MARCHF9: variants seen among roughly 807,000 people sequenced by gnomAD.
MARCHF9 encodes E3 ubiquitin-protein ligase MARCHF9.
Under a neutral mutation model 35.2 loss-of-function variants are expected in MARCHF9, and 17 were observed. The ratio of observed to expected loss-of-function variants is 0.48; its 90% CI spans 0.33 to 0.72. The LOEUF is 0.72. Ranked by LOEUF, MARCHF9 falls within the 30% of genes least tolerant of loss-of-function variation. The pLI, the probability that MARCHF9 is intolerant of heterozygous loss-of-function variation, is 0.02. For synonymous variants in MARCHF9, 183 were observed against 207.4 expected, an observed-to-expected ratio of 0.88 and a Z score of 1.01; for missense variants, 386 against 478.2, an observed-to-expected ratio of 0.81 and a Z score of 1.80.
In MARCHF9 at chr12:57,758,349, C is replaced by T. The variant is rs1394614141; in HGVS notation, c.706+49C>T. The T allele has an allele frequency of 8.4e-6, 13 of 1,554,188 alleles. No individual in the cohort carries two copies. Among genetic ancestry groups the T allele is most frequent in the Non-Finnish European group, 1.1e-5 (13 of 1,142,776 alleles). ...ACCTGCTCTGTATCTTCCTCTTACACACCTAACTCCCCTGCCCATCCCCTC... is the reference window on the plus strand; with the variant it reads ...ACCTGCTCTGTATCTTCCTCTTACATACCTAACTCCCCTGCCCATCCCCTC... On this transcript the variant is annotated intron_variant, in intron 3 of 3. Transcript: ENST00000266643. The surrounding 1 kb of genome is among the most constrained non-coding windows in gnomAD (Gnocchi z 5.4).
chr12:57,757,146 A>C (rs1595114511), intron 2 of MARCHF9, 62 bp downstream of exon 2: 1 of 1,427,362 alleles, frequency 7.0e-7, no homozygotes, highest in Non-Finnish European at 9.2e-7. Context: ...GGACTCAGGG[A>C]CCCTCCAGGA....
chr12:57,755,937 G>A, intron 1 of MARCHF9, 52 bp downstream of exon 1: 1 of 1,330,622 alleles, frequency 7.5e-7, no homozygotes, highest in Non-Finnish European at 9.7e-7. Flanking sequence ...CGCACCTGGG[G>A]TGTCAGCGGA....
Position 57,758,348 on chromosome 12 carries a change from A to C in MARCHF9, c.706+48A>C. 6.4e-7 allele frequency: 1 copy of C among 1,560,458 alleles called. No homozygotes were observed. The highest frequency in any genetic ancestry group is 8.7e-7 in the Non-Finnish European group (1 of 1,146,044). ...TACCTGCTCTGTATCTTCCTCTTAC[A>C]CACCTAACTCCCCTGCCCATCCCCT... On this transcript the variant is annotated intron_variant, in intron 3 of 3. Transcript: ENST00000266643. The surrounding 1 kb of genome is among the most constrained non-coding windows in gnomAD (Gnocchi z 5.4).
chr12:57,756,013 T>A, intron 1 of MARCHF9, 128 bp downstream of exon 1: 1 of 609,702 alleles, frequency 1.6e-6, no homozygotes, highest in Non-Finnish European at 2.4e-6. Flanking sequence ...GGGAATGGGG[T>A]GAGGCCGAGG....
In MARCHF9 at chr12:57,755,175, C is replaced by G. The variant is rs1035143623; in HGVS notation, c.-354C>G. 6.4e-6 allele frequency: 1 copy of G among 156,414 alleles called. No individual in the cohort carries two copies. The highest frequency in any genetic ancestry group is 2.4e-5 in the African/African-American group (1 of 41,470). The allele number at this position is 156,414 out of a possible 1,614,324, so 9.7% of individuals were successfully genotyped here. On this transcript the variant is annotated 5_prime_UTR_variant, in exon 1 of 4. Coordinates refer to ENST00000266643, the MANE Select transcript of MARCHF9 (RefSeq NM_138396.6). ...CCCGGAGCCGGAGGGGGACTGGGAC[C>G]GAGAGAACGGCGATGGGGGGCGGCC...
At position 57,755,903 on chromosome 12, in the gene MARCHF9, G is replaced by C. The variant is rs1955283934; in HGVS notation, c.357+18G>C. ...CGGAGCAGGTCAGGCCTGGGCACCTGGCCGGGCGCGGAGGGTGGAGGCGCG... is the reference window on the plus strand; with the variant it reads ...CGGAGCAGGTCAGGCCTGGGCACCTCGCCGGGCGCGGAGGGTGGAGGCGCG... On this transcript the variant is annotated intron_variant, in intron 1 of 3. Transcript: ENST00000266643. The C allele has an allele frequency of 6.9e-7, 1 of 1,455,456 alleles. No individual in the cohort carries two copies. Among genetic ancestry groups the C allele is most frequent in the Admixed American group, 2.6e-5 (1 of 38,756 alleles). 90.2% of individuals were successfully genotyped at this position (1,455,456 alleles called of 1,614,324 possible).
In MARCHF9 at chr12:57,760,285, G is replaced by C. The variant is rs918759331; in HGVS notation, c.*1388G>C. On this transcript the variant is annotated 3_prime_UTR_variant, in exon 4 of 4. Coordinates refer to ENST00000266643, the MANE Select transcript of MARCHF9 (RefSeq NM_138396.6). ...AGATTTGGGAAGGACTGTTTACAAT[G>C]TGGGTCAGCCTGAAGCCTGGGCACT... 1 of 152,250 alleles carries C rather than the reference G, an allele frequency of 6.6e-6. No homozygotes were observed. The highest frequency in any genetic ancestry group is 2.4e-5 in the African/African-American group (1 of 41,464). The allele number at this position is 152,250 out of a possible 1,614,324, so 9.4% of individuals were successfully genotyped here.
At position 57,758,444 on chromosome 12, in the gene MARCHF9, C is replaced by T. The variant is rs1955300234; in HGVS notation, c.707-119C>T. The T allele has an allele frequency of 7.4e-7, 1 of 1,346,512 alleles. No homozygotes were observed. Among genetic ancestry groups the T allele is most frequent in the African/African-American group, 1.5e-5 (1 of 67,904 alleles). 83.4% of individuals were successfully genotyped at this position (1,346,512 alleles called of 1,614,324 possible). A position where few individuals can be genotyped will look rare whatever the true frequency, so the allele number is the denominator to read the frequency against. ...CCTGGTGCCCCCTCAACCCACTTCC[C>T]TGCTTCTCCAGGGCCCTTTGCAACT... On this transcript the variant is annotated intron_variant, in intron 3 of 3. Transcript: ENST00000266643. This position sits in a 1 kb window ranked among gnomAD's most constrained non-coding sequence, Gnocchi z 5.4.
rs1297201144 is a variant in MARCHF9 at position 57,759,194 on chromosome 12, C to T, written c.*297C>T. The T allele has an allele frequency of 6.0e-6, 2 of 334,604 alleles. No homozygotes were observed. The highest frequency in any genetic ancestry group is 4.4e-5 in the Admixed American group (1 of 22,508). 20.7% of individuals were successfully genotyped at this position (334,604 alleles called of 1,614,324 possible). ...GAGAGAACCGTCTTTACCTCAGCTC[C>T]TAGGGCCTCCAGCCCCCCAGCTCCA... is the stretch of plus-strand genomic sequence containing the variant. On this transcript the variant is annotated 3_prime_UTR_variant, in exon 4 of 4. Transcript: ENST00000266643.
At chr12:57,757,194 C>A in intron 2 of MARCHF9, 110 bp downstream of exon 2, 2 of 1,171,110 alleles carry the variant, frequency 1.7e-6, no homozygotes, top group Non-Finnish European at 2.2e-6. Context: ...AGCCACCCTT[C>A]CCCGCCAGTT....
chr12:57,755,362 A>G lies in MARCHF9; in HGVS notation c.-167A>G. The G allele has an allele frequency of 5.0e-6, 1 of 200,728 alleles. No homozygotes were observed. The highest frequency in any genetic ancestry group is 1.2e-4 in the East Asian group (1 of 8,684). 12.4% of individuals were successfully genotyped at this position (200,728 alleles called of 1,614,324 possible). On this transcript the variant is annotated 5_prime_UTR_variant, in exon 1 of 4. Coordinates refer to ENST00000266643, the MANE Select transcript of MARCHF9 (RefSeq NM_138396.6). ...CGCCAGCCCGCTCGGCCCCGCAAGC[A>G]CCGGAGCCCCGGCGGTGGCAGCAGT... is the stretch of plus-strand genomic sequence containing the variant.
Position 57,758,643 on chromosome 12 carries a change from A to C in MARCHF9, c.787A>C (p.Asn263His). ...AGTGAACCAGCAGTGGAAGGTCCTA[A>C]ATTATGACAAGACCAAGGACATAGG... ...QAVNQQWKVL[N>H]YDKTKDIGGD... Residue 263 changes from asparagine (N) to histidine (H), a missense_variant, in exon 4 of 4, where the codon AAT (asparagine) becomes CAT (histidine). Coordinates refer to ENST00000266643, the MANE Select transcript of MARCHF9 (RefSeq NM_138396.6). This position sits in a 1 kb window ranked among gnomAD's most constrained non-coding sequence, Gnocchi z 5.4. The C allele has an allele frequency of 6.2e-7, 1 of 1,614,078 alleles. No homozygotes were observed. The highest frequency in any genetic ancestry group is 8.5e-7 in the Non-Finnish European group (1 of 1,179,998).
At position 57,755,902 on chromosome 12, in the gene MARCHF9, T is replaced by G; in HGVS notation, c.357+17T>G. 1 of 1,457,214 alleles carries G rather than the reference T, an allele frequency of 6.9e-7. No individual in the cohort carries two copies. The highest frequency in any genetic ancestry group is 9.0e-7 in the Non-Finnish European group (1 of 1,110,636). The allele number at this position is 1,457,214 out of a possible 1,614,324, so 90.3% of individuals were successfully genotyped here. A position where few individuals can be genotyped will look rare whatever the true frequency, so the allele number is the denominator to read the frequency against. On this transcript the variant is annotated intron_variant, in intron 1 of 3. Transcript: ENST00000266643. The stretch of plus-strand genomic sequence containing the variant: ...CCGGAGCAGGTCAGGCCTGGGCACC[T>G]GGCCGGGCGCGGAGGGTGGAGGCGC...
intron 2 of MARCHF9, chr12:57,757,791 A>G (rs1955296548): frequency 3.3e-6 from 2 of 597,278 alleles, no homozygotes; most frequent in East Asian, 2.8e-5. Flanking sequence ...CCCTTTTACA[A>G]ACGAGGACAC....
Position 57,758,270 on chromosome 12 carries a change from A to T in MARCHF9, c.676A>T (p.Met226Leu), listed in dbSNP as rs1955299241. Residue 226 changes from methionine to leucine, a missense_variant, in exon 3 of 4, where the codon ATG (methionine) becomes TTG (leucine). Coordinates refer to ENST00000266643, the MANE Select transcript of MARCHF9 (RefSeq NM_138396.6). This position sits in a 1 kb window ranked among gnomAD's most constrained non-coding sequence, Gnocchi z 5.4. The part of the protein sequence containing the change: ...QDLLFQICYG[M>L]YGFMDVVCIG... ...TCTGCTCTTTCAGATCTGCTACGGC[A>T]TGTATGGCTTCATGGATGTCGTCTG... 6.2e-7 allele frequency: 1 copy of T among 1,612,236 alleles called. No individual in the cohort carries two copies. The highest frequency in any genetic ancestry group is 8.5e-7 in the Non-Finnish European group (1 of 1,178,338).
rs1955310346 is a variant in MARCHF9, at chr12:57,760,108, C to CA, written c.*1212dup. Reference sequence around the variant, plus strand: ...TGGAGTGAGATGGAGGGAATCCCCCCACTCAGTGTTATGAGTCTCCAACCC... The same window carrying CA: ...TGGAGTGAGATGGAGGGAATCCCCCCAACTCAGTGTTATGAGTCTCCAACCC... On this transcript the variant is annotated 3_prime_UTR_variant, in exon 4 of 4. Transcript: ENST00000266643. The CA allele has an allele frequency of 6.6e-6, 1 of 152,210 alleles. No homozygotes were observed. Among genetic ancestry groups the CA allele is most frequent in the Non-Finnish European group, 1.5e-5 (1 of 68,040 alleles). 9.4% of individuals were successfully genotyped at this position (152,210 alleles called of 1,614,324 possible).
In MARCHF9 at chr12:57,755,450, C is replaced by T. The variant is rs1338928917; in HGVS notation, c.-79C>T. ...TCGGCTCTCTAGCGCGCGCCCCCTT[C>T]CCGGCCTTGTCCTCTCCCCTCCCCC... is the stretch of plus-strand genomic sequence containing the variant. On this transcript the variant is annotated 5_prime_UTR_variant, in exon 1 of 4. Coordinates refer to ENST00000266643, the MANE Select transcript of MARCHF9 (RefSeq NM_138396.6). 294 of 864,598 alleles carry T rather than the reference C, an allele frequency of 3.4e-4. 4 individuals are homozygous for T. Among genetic ancestry groups the T allele is most frequent in the Admixed American group, 5.7e-4 (13 of 22,910 alleles). 53.6% of individuals were successfully genotyped at this position (864,598 alleles called of 1,614,324 possible).
Position 57,758,563 on chromosome 12 carries a change from G to T in MARCHF9, c.707G>T (p.Gly236Val), listed in dbSNP as rs571131287. 4 of 1,603,470 alleles carry T rather than the reference G, an allele frequency of 2.5e-6. No homozygotes were observed. Among genetic ancestry groups the T allele is most frequent in the Non-Finnish European group, 3.4e-6 (4 of 1,173,630 alleles). ...MYGFMDVVCI[G>V]LIIHEGSSVY... is the part of the protein sequence containing the mutation. ...TGGATTTCTTATTCCTATTGCTCAG[G>T]CCTCATCATCCATGAAGGCTCCTCT... Residue 236 changes from glycine (G) to valine (V), a missense_variant and splice_region_variant, in exon 4 of 4, where the codon GGC (glycine) becomes GTC (valine). Around this residue, in one of 3 missense-constraint regions of MARCHF9, gnomAD observed 219 missense variants for 316.2 expected, o/e 0.69. Transcript: ENST00000266643. This position sits in a 1 kb window ranked among gnomAD's most constrained non-coding sequence, Gnocchi z 5.4.
rs1431331230 is a variant in MARCHF9 at position 57,760,257 on chromosome 12, A to G, written c.*1360A>G. On this transcript the variant is annotated 3_prime_UTR_variant, in exon 4 of 4. Coordinates refer to ENST00000266643, the MANE Select transcript of MARCHF9 (RefSeq NM_138396.6). ...GCATAGAGGACTGTTGTTTATAGAG[A>G]AAAGATTTGGGAAGGACTGTTTACA... The G allele has an allele frequency of 2.0e-5, 3 of 152,186 alleles. No homozygotes were observed. The highest frequency in any genetic ancestry group is 7.2e-5 in the African/African-American group (3 of 41,430). 9.4% of individuals were successfully genotyped at this position (152,186 alleles called of 1,614,324 possible). A position where few individuals can be genotyped will look rare whatever the true frequency, so the allele number is the denominator to read the frequency against.
Sources: allele counts gnomAD v4.1 joint callset, GRCh38; gene constraint gnomAD v4.1.1; regional missense constraint gnomAD v4.1.1; non-coding constraint Gnocchi (gnomAD v3.1); transcripts MANE v1.5; gene names NCBI Gene and HGNC (gene_info 2026-07-23, HGNC 2026-07-21).